Variants in INTS9 observed in about 807,000 individuals in gnomAD.
INTS9 encodes protein related to CPSF subunits of 74 kDa.
INTS9 carries 55 observed loss-of-function variants against 79.7 expected under a neutral mutation model. That is an observed-to-expected ratio of 0.69 (90% CI 0.56 to 0.86). The LOEUF (loss-of-function observed/expected upper bound fraction) is 0.86, where lower values mean the gene tolerates loss of function less well. INTS9 is among the 40% of genes least tolerant of loss of function. The probability of loss-of-function intolerance (pLI) is 0.00; values close to 1 mark genes in which losing one functional copy is unlikely to be tolerated. For missense variants in INTS9, 721 were observed against 831.5 expected (o/e 0.87, Z 1.64); for synonymous variants, 319 against 325.2 (o/e 0.98, Z 0.20).
intron 6 of INTS9, among the ~76,000 whole-genome samples, chr8:28,826,958 CTAGA>C (rs1806183874): frequency 6.6e-6 from 1 of 152,168 alleles, no homozygotes; most frequent in African/African-American, 2.4e-5. Flanking sequence ...TTTATTCTTT[CTAGA>C]TATTTAGTTA....
chr8:28,856,486 A>G (rs1003722450), intron 2 of INTS9, among the ~76,000 whole-genome samples: 3 of 151,968 alleles, frequency 2.0e-5, no homozygotes, highest in African/African-American at 7.3e-5. Flanking sequence ...CGGTGGCACA[A>G]TCATGGCTCA....
chr8:28,826,344 A>T (rs1806139848), intron 6 of INTS9, among the ~76,000 whole-genome samples: 1 of 152,238 alleles, frequency 6.6e-6, no homozygotes, highest in South Asian at 2.1e-4. Context: ...CAATGCAATT[A>T]TCAACGTGTC....
chr8:28,813,432 C>T, intron 7 of INTS9, 60 bp downstream of exon 7: 1 of 1,538,010 alleles, frequency 6.5e-7, no homozygotes, highest in Non-Finnish European at 9.0e-7. Flanking sequence ...TTCCAAACAA[C>T]AAACAACAAT....
chr8:28,872,551 G>A (rs1053130889), intron 1 of INTS9, among the ~76,000 whole-genome samples: 2 of 151,938 alleles, frequency 1.3e-5, no homozygotes, highest in African/African-American at 4.8e-5. Flanking sequence ...GGTCAGGAAG[G>A]TATAAATAGA....
intron 11 of INTS9, chr8:28,783,888 G>A (rs1803438207): frequency 6.6e-6 from 1 of 152,342 alleles, no homozygotes; most frequent in Non-Finnish European, 1.5e-5. Flanking sequence ...GATGATGAAT[G>A]TGATTCTAAG....
chr8:28,886,228 C>A (rs535033114), intron 1 of INTS9, among the ~76,000 whole-genome samples: 1 of 152,230 alleles, frequency 6.6e-6, no homozygotes, highest in South Asian at 2.1e-4. Context: ...TTTTTTTTAA[C>A]CAATAACCTT....
chr8:28,776,886 C>T (rs1235368465), intron 13 of INTS9, among the ~76,000 whole-genome samples: 2 of 152,188 alleles, frequency 1.3e-5, no homozygotes, highest in South Asian at 2.1e-4. Context: ...TAATGAAAAG[C>T]AACACGCCTT....
intron 4 of INTS9, 58 bp from the exon 5 acceptor site, chr8:28,837,834 G>A (rs1806905023): frequency 6.7e-7 from 1 of 1,503,524 alleles, no homozygotes; most frequent in African/African-American, 1.4e-5. Context: ...AATATGATGT[G>A]ACTAAAAAAC....
At chr8:28,810,887 C>T (rs1318199947) in intron 8 of INTS9, among the ~76,000 whole-genome samples, 1 of 152,106 alleles carries the variant, frequency 6.6e-6, no homozygotes, top group African/African-American at 2.4e-5. Context: ...TTTCCCTCTC[C>T]ATATTAAAAT....
intron 1 of INTS9, among the ~76,000 whole-genome samples, chr8:28,871,633 T>C (rs1442197806): frequency 6.6e-6 from 1 of 152,138 alleles, no homozygotes; most frequent in Non-Finnish European, 1.5e-5. Context: ...CCTGAACTCC[T>C]GGGCTCAAGC....
intron 13 of INTS9, among the ~76,000 whole-genome samples, chr8:28,776,839 G>A (rs984244420): frequency 3.9e-5 from 6 of 152,146 alleles, no homozygotes; most frequent in Non-Finnish European, 5.9e-5. Context: ...ACAGAGGGGC[G>A]TCAAGAGCTG....
intron 6 of INTS9, among the ~76,000 whole-genome samples, chr8:28,830,091 T>C (rs1016054886): frequency 6.6e-6 from 1 of 150,848 alleles, no homozygotes; most frequent in Non-Finnish European, 1.5e-5. Context: ...AGAAGACAGA[T>C]AGAGGCTATA....
chr8:28,825,516 C>T (rs1209088306), intron 6 of INTS9, among the ~76,000 whole-genome samples: 1 of 152,214 alleles, frequency 6.6e-6, no homozygotes, highest in African/African-American at 2.4e-5. Context: ...GAACACCATA[C>T]CACGTGGGCT....
intron 12 of INTS9, among the ~76,000 whole-genome samples, chr8:28,779,887 C>A (rs189893740): frequency 2.6e-5 from 4 of 152,146 alleles, no homozygotes; most frequent in African/African-American, 9.6e-5. Context: ...AGGAAGGGAG[C>A]TGGTGACAGT....
intron 15 of INTS9, 56 bp downstream of exon 15, chr8:28,770,925 TG>T: frequency 8.7e-7 from 1 of 1,153,300 alleles, no homozygotes; most frequent in Non-Finnish European, 1.3e-6. Context: ...ATCTGTTAGG[TG>T]GTCTGGTTTC....
intron 3 of INTS9, among the ~76,000 whole-genome samples, chr8:28,847,995 C>G (rs1035937836): frequency 6.6e-6 from 1 of 152,194 alleles, no homozygotes; most frequent in East Asian, 1.9e-4. Flanking sequence ...ATACCGGCAG[C>G]TGGAATTATG....
chr8:28,867,282 C>T (rs10104516), intron 1 of INTS9, among the ~76,000 whole-genome samples: 2 of 152,010 alleles, frequency 1.3e-5, no homozygotes, highest in East Asian at 1.9e-4. Flanking sequence ...AGCTGGGCGT[C>T]GTGGCATGTG....
intron 14 of INTS9, among the ~76,000 whole-genome samples, chr8:28,772,077 G>A (rs2130848519): frequency 6.6e-6 from 1 of 152,264 alleles, no homozygotes; most frequent in East Asian, 1.9e-4. Context: ...GCCCAGGCTG[G>A]TCTTGAACTC....
At chr8:28,848,734 G>T (rs1807665453) in intron 3 of INTS9, among the ~76,000 whole-genome samples, 1 of 152,144 alleles carries the variant, frequency 6.6e-6, no homozygotes, top group Non-Finnish European at 1.5e-5. Flanking sequence ...CTATGATGAA[G>T]TCTCCTCACA....
Sources: gnomAD v4.1 joint callset for allele counts (sites outside exome capture counted in the v4.1 genomes callset) on GRCh38, gnomAD v4.1.1 for gene constraint, MANE v1.5 for transcripts, NCBI Gene and HGNC (gene_info 2026-07-23, HGNC 2026-07-21) for gene names.